The following GALNT13 variants were observed in gnomAD, a reference collection of about 807,000 sequenced individuals.
GALNT13 encodes polypeptide N-acetylgalactosaminyltransferase 13.
Under a neutral mutation model 64.2 loss-of-function variants are expected in GALNT13, and 28 were observed. The ratio of observed to expected loss-of-function variants is 0.44; its 90% CI spans 0.32 to 0.60. The LOEUF (loss-of-function observed/expected upper bound fraction) is 0.60. Ranked by LOEUF, GALNT13 falls within the 20% of genes least tolerant of loss-of-function variation. GALNT13 has a pLI of 0.05. For missense variants in GALNT13, 577 were observed against 669.8 expected (o/e 0.86, Z 1.53); for synonymous variants, 214 against 224.6 (o/e 0.95, Z 0.42).
At chr2:154,052,920 G>T (rs1699712144) in intron 3 of GALNT13, among the ~76,000 whole-genome samples, 2 of 151,798 alleles carry the variant, frequency 1.3e-5, no homozygotes, top group Admixed American at 1.3e-4. Flanking sequence ...TGTATTTTTA[G>T]TAGAGAGGGG....
chr2:153,941,748 T>C (rs1013986150), intron 2 of GALNT13, among the ~76,000 whole-genome samples: 4 of 152,212 alleles, frequency 2.6e-5, no homozygotes, highest in Non-Finnish European at 4.4e-5. Context: ...CTGTGAATGA[T>C]AAAGTTTAGC....
intron 7 of GALNT13, among the ~76,000 whole-genome samples, 153 bp from the exon 8 acceptor site, chr2:154,258,868 T>G (rs1228552336): frequency 1.3e-5 from 2 of 152,144 alleles, no homozygotes; most frequent in Non-Finnish European, 2.9e-5. Flanking sequence ...ATGCTATTTC[T>G]TAATTTTAAA....
chr2:154,277,199 GTATT>G (rs1341188060), intron 8 of GALNT13, among the ~76,000 whole-genome samples: 2 of 152,064 alleles, frequency 1.3e-5, no homozygotes, highest in Non-Finnish European at 2.9e-5. Flanking sequence ...GATTAATAAA[GTATT>G]TATTAAAAAT....
the GALNT13 span, among the ~76,000 whole-genome samples, chr2:153,580,719 TG>T: frequency 1.3e-5 from 2 of 152,184 alleles, no homozygotes; most frequent in African/African-American, 4.8e-5. Flanking sequence ...ATCATATAGG[TG>T]TTTATAACAA....
At chr2:154,036,504 T>C (rs1159132591) in intron 3 of GALNT13, among the ~76,000 whole-genome samples, 1 of 152,156 alleles carries the variant, frequency 6.6e-6, no homozygotes, top group Non-Finnish European at 1.5e-5. Context: ...TTGAGTCCTA[T>C]GATAGACACT....
At chr2:153,085,514 A>G in the GALNT13 span, among the ~76,000 whole-genome samples, 1 of 152,184 alleles carries the variant, frequency 6.6e-6, no homozygotes, top group Non-Finnish European at 1.5e-5. Context: ...TGGCAAAAAA[A>G]GCACCAAAGT....
At chr2:153,697,958 A>G in the GALNT13 span, among the ~76,000 whole-genome samples, 2 of 152,228 alleles carry the variant, frequency 1.3e-5, no homozygotes, top group Admixed American at 1.3e-4. Flanking sequence ...CTTAAAGAAA[A>G]GAAGTTTAAA....
intron 8 of GALNT13, among the ~76,000 whole-genome samples, chr2:154,269,056 GTA>G (rs1462135088): frequency 6.6e-6 from 1 of 151,964 alleles, no homozygotes; most frequent in Non-Finnish European, 1.5e-5. Flanking sequence ...TGAAATCCAT[GTA>G]TTTCCAATTT....
chr2:153,546,709 A>T, the GALNT13 span, among the ~76,000 whole-genome samples: 1 of 152,228 alleles, frequency 6.6e-6, no homozygotes, highest in African/African-American at 2.4e-5. Flanking sequence ...TACCTTGTCA[A>T]TAAATCTGTG....
intron 3 of GALNT13, among the ~76,000 whole-genome samples, chr2:154,059,829 A>G (rs1355585154): frequency 6.6e-6 from 1 of 152,138 alleles, no homozygotes; most frequent in Non-Finnish European, 1.5e-5. Context: ...AAAAAGAGTG[A>G]CTAAGGAAGG....
At chr2:154,175,445 A>T (rs376117115) in intron 4 of GALNT13, among the ~76,000 whole-genome samples, 1 of 152,158 alleles carries the variant, frequency 6.6e-6, no homozygotes. Context: ...TTCCATACAG[A>T]TACTCAATAT....
At chr2:153,303,838 C>G in the GALNT13 span, among the ~76,000 whole-genome samples, 2 of 151,852 alleles carry the variant, frequency 1.3e-5, no homozygotes, top group Non-Finnish European at 2.9e-5. Context: ...TTTCTAACAC[C>G]CCTGAGACTA....
At chr2:154,406,157 T>G (rs982943343) in intron 10 of GALNT13, among the ~76,000 whole-genome samples, 1 of 152,152 alleles carries the variant, frequency 6.6e-6, no homozygotes, top group Non-Finnish European at 1.5e-5. Flanking sequence ...GCATGTTTCT[T>G]GATGTCTTTA....
intron 4 of GALNT13, among the ~76,000 whole-genome samples, chr2:154,156,924 A>C (rs1684456910): frequency 6.6e-6 from 1 of 152,182 alleles, no homozygotes; most frequent in East Asian, 1.9e-4. Context: ...AGACTGATCT[A>C]ATATATTAAT....
At chr2:154,082,582 G>A (rs894984322) in intron 3 of GALNT13, among the ~76,000 whole-genome samples, 27 of 151,768 alleles carry the variant, frequency 1.8e-4, no homozygotes, top group African/African-American at 4.1e-4. Flanking sequence ...GAATGAATAC[G>A]TACTATTGTT....
chr2:153,561,641 C>CTGTGTGTGTGTG, the GALNT13 span, among the ~76,000 whole-genome samples: 10,111 of 146,438 alleles, frequency 0.069, 423 homozygotes, highest in South Asian at 0.13. Context: ...GATGTTCAAC[C>CTGTGTGTGTGTG]TGTGTGTGTG....
chr2:154,238,805 G>A lies in GALNT13; in HGVS notation c.312-3225G>A, dbSNP rs1192156218. On this transcript the variant is annotated intron_variant, in intron 4 of 12. Transcript: ENST00000392825. Reference sequence around the variant, plus strand: ...CATTGTGAAATGATCAAGTTAACACGTCTGCCAGCTCACATCTTTATGATT... The same window carrying A: ...CATTGTGAAATGATCAAGTTAACACATCTGCCAGCTCACATCTTTATGATT... Among the ~76,000 whole-genome samples the A allele has an allele frequency of 7.2e-5, 11 of 151,892 alleles. 1 individual carries two copies. In the South Asian group the frequency reaches 1.0e-3, roughly 14 times the overall value.
chr2:153,239,201 T>C, the GALNT13 span, among the ~76,000 whole-genome samples: 3 of 152,184 alleles, frequency 2.0e-5, no homozygotes, highest in Admixed American at 2.0e-4. Flanking sequence ...ATTGCAACTT[T>C]ACTGAATTTA....
intron 1 of GALNT13, among the ~76,000 whole-genome samples, chr2:153,896,703 C>T (rs772089068): frequency 9.2e-5 from 14 of 151,884 alleles, no homozygotes; most frequent in Admixed American, 2.6e-4. Flanking sequence ...GCATAGTACC[C>T]GATAGGTAGT....
Sources: gnomAD v4.1 joint callset for allele counts (sites outside exome capture counted in the v4.1 genomes callset) on GRCh38, gnomAD v4.1.1 for gene constraint, MANE v1.5 for transcripts, NCBI Gene and HGNC (gene_info 2026-07-23, HGNC 2026-07-21) for gene names.